Variants in PDGFC observed in about 807,000 individuals in gnomAD.
The protein encoded by PDGFC is platelet derived growth factor C.
Under a neutral mutation model 35.5 loss-of-function variants are expected in PDGFC, and 12 were observed. The observed-to-expected ratio is 0.34, with a 90% CI of 0.22 to 0.55. The LOEUF (loss-of-function observed/expected upper bound fraction) is 0.55, where lower values mean the gene tolerates loss of function less well. Among genes scored for constraint, PDGFC ranks in the 20% least tolerant of loss-of-function variants. The pLI is 0.91. For missense variants in PDGFC, 322 were observed against 412.4 expected (o/e 0.78, Z 1.90); for synonymous variants, 159 against 148.8 (o/e 1.07, Z -0.50).
chr4:156,778,327 G>A, intron 3 of PDGFC: 2 of 211,128 alleles, frequency 9.5e-6, no homozygotes, highest in Admixed American at 1.1e-4. Flanking sequence ...ATGTGGACCA[G>A]AAAAAAAGTG....
intron 3 of PDGFC, among the ~76,000 whole-genome samples, chr4:156,803,969 G>A (rs767537078): frequency 7.2e-5 from 11 of 152,014 alleles, no homozygotes; most frequent in African/African-American, 1.7e-4. Flanking sequence ...GACACTGACC[G>A]TTGACAAAAT....
intron 3 of PDGFC, among the ~76,000 whole-genome samples, chr4:156,808,799 G>C (rs1334336168): frequency 6.6e-6 from 1 of 152,014 alleles, no homozygotes; most frequent in Non-Finnish European, 1.5e-5. Flanking sequence ...AGAGTAGAAT[G>C]AATGTGGCTG....
chr4:156,855,339 T>G lies in PDGFC; in HGVS notation c.119-4923A>C, dbSNP rs139610136. On this transcript the variant is annotated intron_variant, in intron 1 of 5. Coordinates refer to ENST00000502773, the MANE Select transcript of PDGFC (RefSeq NM_016205.3). ...CTAACGAGGAAGTTTCTGGATAATA[T>G]GCAACTCCTAAAAATCATCCATGTC... is the stretch of plus-strand genomic sequence containing the variant. 3.2e-3 allele frequency among the ~76,000 whole-genome samples: 484 copies of G among 152,280 alleles called. 2 individuals carry two copies. Among genetic ancestry groups the G allele is most frequent in the Non-Finnish European group, 4.8e-3 (327 of 68,008 alleles).
intron 1 of PDGFC, among the ~76,000 whole-genome samples, chr4:156,966,324 C>T (rs548707571): frequency 2.2e-4 from 33 of 152,108 alleles, no homozygotes; most frequent in African/African-American, 5.8e-4. Context: ...ATTCTGATTA[C>T]GTATAATGCT....
chr4:156,940,578 C>A (rs1355679551), intron 1 of PDGFC, among the ~76,000 whole-genome samples: 1 of 151,980 alleles, frequency 6.6e-6, no homozygotes, highest in Non-Finnish European at 1.5e-5. Flanking sequence ...GAGATCTGTG[C>A]CTTTTTGTGC....
Position 156,884,431 on chromosome 4 carries a change from G to A in PDGFC, c.119-34015C>T, listed in dbSNP as rs1730326998. Among the ~76,000 whole-genome samples, 4 of 152,128 alleles carry A rather than the reference G, an allele frequency of 2.6e-5. 1 individual carries two copies. The South Asian group carries it at 8.3e-4, about 32-fold the overall frequency. The stretch of plus-strand genomic sequence containing the variant: ...TGCAGATCACACCGAACCTAGCATG[G>A]AAGACAGCTACATTTTACCAGCCTG... On this transcript the variant is annotated intron_variant, in intron 1 of 5. Coordinates refer to ENST00000502773, the MANE Select transcript of PDGFC (RefSeq NM_016205.3).
chr4:156,794,156 A>C (rs1008340880), intron 3 of PDGFC, among the ~76,000 whole-genome samples: 1 of 152,150 alleles, frequency 6.6e-6, no homozygotes, highest in African/African-American at 2.4e-5. Context: ...GTGTTTCTTC[A>C]GCTTGATCTT....
chr4:156,775,743 A>C (rs183833175), intron 3 of PDGFC, among the ~76,000 whole-genome samples: 77 of 152,312 alleles, frequency 5.1e-4, no homozygotes, highest in Admixed American at 1.5e-3. Flanking sequence ...CATCCCTTCA[A>C]ATGTGAAAGG....
chr4:156,911,280 T>G (rs1479554279), intron 1 of PDGFC, among the ~76,000 whole-genome samples: 1 of 152,164 alleles, frequency 6.6e-6, no homozygotes, highest in Non-Finnish European at 1.5e-5. Flanking sequence ...CTTACATCCA[T>G]TTAAACATAC....
chr4:156,952,297 A>G (rs1408673772), intron 1 of PDGFC, among the ~76,000 whole-genome samples: 1 of 151,908 alleles, frequency 6.6e-6, no homozygotes, highest in Non-Finnish European at 1.5e-5. Context: ...GCTATTACAC[A>G]CTGGCATTCA....
intron 3 of PDGFC, among the ~76,000 whole-genome samples, chr4:156,789,994 A>G (rs1211558015): frequency 2.7e-5 from 4 of 147,706 alleles, no homozygotes; most frequent in Non-Finnish European, 5.9e-5. Flanking sequence ...AAAAAAAAAA[A>G]AAAAGAAAGA....
At chr4:156,939,924 C>T (rs1303020285) in intron 1 of PDGFC, among the ~76,000 whole-genome samples, 2 of 152,058 alleles carry the variant, frequency 1.3e-5, no homozygotes, top group African/African-American at 2.4e-5. Flanking sequence ...AATTGGTAAA[C>T]AATTGCAGTT....
intron 2 of PDGFC, among the ~76,000 whole-genome samples, chr4:156,835,692 T>G (rs6830430): frequency 0.03 from 4,634 of 152,242 alleles, 241 homozygotes; most frequent in African/African-American, 0.1. Flanking sequence ...GGCAAAGTAA[T>G]TTAACCAGGG....
intron 1 of PDGFC, among the ~76,000 whole-genome samples, chr4:156,966,505 A>G (rs964477971): frequency 6.6e-6 from 1 of 152,162 alleles, no homozygotes; most frequent in African/African-American, 2.4e-5. Flanking sequence ...CTTATTCAAC[A>G]TATCACTTTA....
intron 3 of PDGFC, among the ~76,000 whole-genome samples, chr4:156,804,014 T>C (rs1014703377): frequency 1.3e-5 from 2 of 152,064 alleles, no homozygotes; most frequent in African/African-American, 4.8e-5. Context: ...GAAGAGTTGG[T>C]ACAATAAATA....
rs376598061 is a variant in PDGFC, at chr4:156,846,906, C to T, written c.314+3315G>A. Among the ~76,000 whole-genome samples, 10 of 151,888 alleles carry T rather than the reference C, an allele frequency of 6.6e-5. No individual in the cohort carries two copies. The East Asian group carries it at 1.7e-3, about 26-fold the overall frequency. On this transcript the variant is annotated intron_variant, in intron 2 of 5. Transcript: ENST00000502773. ...ATAAACCTTCATCAACCATCATACTCAATATTGACATGTTAAGAGCAAATC... is the reference window on the plus strand; with the variant it reads ...ATAAACCTTCATCAACCATCATACTTAATATTGACATGTTAAGAGCAAATC...
intron 1 of PDGFC, among the ~76,000 whole-genome samples, chr4:156,875,263 A>C (rs1316564193): frequency 6.6e-6 from 1 of 152,168 alleles, no homozygotes; most frequent in Non-Finnish European, 1.5e-5. Context: ...TGGAATTTGT[A>C]GATGTCTATG....
chr4:156,922,898 C>T (rs928431565), intron 1 of PDGFC, among the ~76,000 whole-genome samples: 1 of 152,136 alleles, frequency 6.6e-6, no homozygotes, highest in Non-Finnish European at 1.5e-5. Context: ...CCAAGCAATT[C>T]CATTCACCCT....
intron 1 of PDGFC, among the ~76,000 whole-genome samples, chr4:156,939,713 C>A (rs901599202): frequency 1.3e-5 from 2 of 152,068 alleles, no homozygotes; most frequent in Non-Finnish European, 2.9e-5. Flanking sequence ...TGAACACCCC[C>A]TTCTAAGAAG....
Sources: gnomAD v4.1 joint callset for allele counts (sites outside exome capture counted in the v4.1 genomes callset) on GRCh38, gnomAD v4.1.1 for gene constraint, MANE v1.5 for transcripts, NCBI Gene and HGNC (gene_info 2026-07-23, HGNC 2026-07-21) for gene names.